SEMA5A: variants seen among roughly 807,000 people sequenced by gnomAD.
The protein encoded by SEMA5A is semaphorin-5A.
In SEMA5A, 55 loss-of-function variants were observed where a neutral mutation model predicts 135.5. The observed-to-expected ratio is 0.41, with a 90% confidence interval of 0.33 to 0.51. SEMA5A has a LOEUF of 0.51. SEMA5A is among the 20% of genes least tolerant of loss of function. The pLI, the probability that SEMA5A is intolerant of heterozygous loss-of-function variation, is 0.37. For synonymous variants in SEMA5A, 580 were observed against 546.5 expected, an observed-to-expected ratio of 1.06 and a Z score of -0.85; for missense variants, 1,290 against 1,419.9, an observed-to-expected ratio of 0.91 and a Z score of 1.47.
chr5:9,360,654 C>T (rs1192582601), intron 3 of SEMA5A, among the ~76,000 whole-genome samples: 1 of 152,098 alleles, frequency 6.6e-6, no homozygotes, highest in East Asian at 1.9e-4. Context: ...TGGGTGCATA[C>T]AATATTCTCG....
chr5:9,485,324 G>A (rs750148746), intron 1 of SEMA5A, among the ~76,000 whole-genome samples: 4 of 152,068 alleles, frequency 2.6e-5, no homozygotes, highest in Non-Finnish European at 5.9e-5. Context: ...AGGAGAAGGT[G>A]TCATGTGGGT....
chr5:9,089,435 C>A (rs1193745782), intron 16 of SEMA5A, among the ~76,000 whole-genome samples: 1 of 151,668 alleles, frequency 6.6e-6, no homozygotes, highest in Non-Finnish European at 1.5e-5. Context: ...GTTGTGAGCC[C>A]CCCACCAACT....
chr5:9,108,872 C>T (rs918158680), intron 15 of SEMA5A, among the ~76,000 whole-genome samples: 1 of 149,768 alleles, frequency 6.7e-6, no homozygotes, highest in Non-Finnish European at 1.5e-5. Flanking sequence ...AAAGACCACT[C>T]GTTATTCAAA....
intron 5 of SEMA5A, among the ~76,000 whole-genome samples, chr5:9,246,982 T>C (rs1179904279): frequency 6.6e-6 from 1 of 152,164 alleles, no homozygotes; most frequent in Non-Finnish European, 1.5e-5. Context: ...TGCCAAGGTT[T>C]CATCTGGGAA....
At position 9,349,485 on chromosome 5, in the gene SEMA5A, A is replaced by C. The variant is rs937648103; in HGVS notation, c.125-11673T>G. Among the ~76,000 whole-genome samples the C allele has an allele frequency of 2.0e-5, 3 of 152,204 alleles. No homozygotes were observed. In the South Asian group the frequency reaches 6.2e-4, roughly 31 times the overall value. On this transcript the variant is annotated intron_variant, in intron 3 of 22. Coordinates refer to ENST00000382496, the MANE Select transcript of SEMA5A (RefSeq NM_003966.3). The stretch of plus-strand genomic sequence containing the variant: ...AAGAGAGTTAAACTGAAGAAGATAA[A>C]TACTATCTGATCCCAGGGAAAAGCA...
At position 9,122,639 on chromosome 5, in the gene SEMA5A, T is replaced by G. The variant is rs756717024; in HGVS notation, c.1781+17A>C. The G allele has an allele frequency of 6.4e-7, 1 of 1,551,920 alleles. No individual in the cohort carries two copies. Among genetic ancestry groups the G allele is most frequent in the African/African-American group, 1.4e-5 (1 of 73,238 alleles). On this transcript the variant is annotated intron_variant, in intron 14 of 22. Transcript: ENST00000382496. ...TTAATACACAGCAGCACAACTGGCG[T>G]GTTCTGAGCGGCACACCTGGAACAG...
intron 8 of SEMA5A, among the ~76,000 whole-genome samples, chr5:9,215,143 T>C (rs937270648): frequency 2.0e-5 from 3 of 152,164 alleles, no homozygotes; most frequent in African/African-American, 7.2e-5. Flanking sequence ...TCAGGACTCA[T>C]GACTCTCACA....
At chr5:9,202,914 T>C (rs1196864917) in intron 8 of SEMA5A, among the ~76,000 whole-genome samples, 2 of 152,010 alleles carry the variant, frequency 1.3e-5, no homozygotes, top group Admixed American at 6.6e-5. Flanking sequence ...GAGGGAAGAG[T>C]ATGGGGATGG....
intron 16 of SEMA5A, among the ~76,000 whole-genome samples, chr5:9,096,891 G>T (rs1348876602): frequency 6.6e-6 from 1 of 151,964 alleles, no homozygotes; most frequent in Non-Finnish European, 1.5e-5. Context: ...ACCACTATGA[G>T]ATGTCACCTT....
In SEMA5A at chr5:9,346,914, G is replaced by GTA. The variant is rs143461409; in HGVS notation, c.125-9104_125-9103dup. On this transcript the variant is annotated intron_variant, in intron 3 of 22. Transcript: ENST00000382496. The stretch of plus-strand genomic sequence containing the variant: ...TATATGTGTGTGTGTGTGTGTGTGT[G>GTA]TATATATATATATATGTATTTGCCT... Among the ~76,000 whole-genome samples the GTA allele has an allele frequency of 6.6e-3, 656 of 99,218 alleles. 2 individuals are homozygous for GTA. The highest frequency in any genetic ancestry group is 0.022 in the African/African-American group (563 of 25,868). The allele number at this position is 99,218 out of a possible 152,430, so 65.1% of individuals were successfully genotyped here.
At chr5:9,334,471 T>C (rs940083360) in intron 4 of SEMA5A, among the ~76,000 whole-genome samples, 1 of 152,248 alleles carries the variant, frequency 6.6e-6, no homozygotes, top group Admixed American at 6.5e-5. Context: ...CTGAAAGGCA[T>C]ATGCACACGT....
chr5:9,455,244 AT>A (rs1454496226), intron 1 of SEMA5A, among the ~76,000 whole-genome samples: 10 of 147,332 alleles, frequency 6.8e-5, no homozygotes, highest in Admixed American at 3.4e-4. Flanking sequence ...ATTTTATTTT[AT>A]TTTATTTATT....
At chr5:9,137,515 G>A (rs940386777) in intron 12 of SEMA5A, among the ~76,000 whole-genome samples, 10 of 152,180 alleles carry the variant, frequency 6.6e-5, no homozygotes, top group African/African-American at 2.4e-4. Context: ...ATATACAGAA[G>A]ATAATGTCAT....
At chr5:9,503,669 A>T (rs1735708189) in intron 1 of SEMA5A, among the ~76,000 whole-genome samples, 1 of 152,236 alleles carries the variant, frequency 6.6e-6, no homozygotes, top group South Asian at 2.1e-4. Flanking sequence ...CTCATGGATG[A>T]AGATCTGCAT....
chr5:9,059,129 G>T (rs1737046656), intron 18 of SEMA5A, among the ~76,000 whole-genome samples: 1 of 151,600 alleles, frequency 6.6e-6, no homozygotes, highest in Admixed American at 6.6e-5. Context: ...GATGAAAAGA[G>T]TTTGTGTTTA....
At chr5:9,097,202 C>A (rs561353932) in intron 16 of SEMA5A, among the ~76,000 whole-genome samples, 1 of 152,144 alleles carries the variant, frequency 6.6e-6, no homozygotes, top group East Asian at 1.9e-4. Context: ...AGTAATACTG[C>A]CCCAGGTTTA....
intron 1 of SEMA5A, among the ~76,000 whole-genome samples, chr5:9,482,577 T>A (rs1759916648): frequency 6.6e-6 from 1 of 152,182 alleles, no homozygotes; most frequent in African/African-American, 2.4e-5. Flanking sequence ...CAGCCAATGT[T>A]TAATGACCAC....
At chr5:9,122,497 C>T (rs1740863206) in intron 14 of SEMA5A, among the ~76,000 whole-genome samples, 159 bp downstream of exon 14, 1 of 152,112 alleles carries the variant, frequency 6.6e-6, no homozygotes, top group Non-Finnish European at 1.5e-5. Flanking sequence ...AGTTTAAAAT[C>T]TCCTTGCAAA....
chr5:9,164,493 T>G (rs562326436), intron 11 of SEMA5A, among the ~76,000 whole-genome samples: 1 of 152,102 alleles, frequency 6.6e-6, no homozygotes. Flanking sequence ...AACCTTGTAC[T>G]ATAACCTTGT....
Sources: allele counts gnomAD v4.1 joint callset (sites outside exome capture counted in the v4.1 genomes callset), GRCh38; gene constraint gnomAD v4.1.1; transcripts MANE v1.5; gene names NCBI Gene and HGNC (gene_info 2026-07-23, HGNC 2026-07-21).